ADCY1: variants seen among roughly 807,000 people sequenced by gnomAD.
ADCY1 encodes adenylate cyclase 1, also known as adenylate cyclase type 1.
ADCY1 carries 28 observed loss-of-function variants against 105.4 expected under a neutral mutation model. The ratio of observed to expected loss-of-function variants is 0.27; its 90% CI spans 0.20 to 0.36. The LOEUF (loss-of-function observed/expected upper bound fraction) is 0.36, where lower values mean the gene tolerates loss of function less well. ADCY1 is among the 10% of genes least tolerant of loss of function. The pLI, the probability that ADCY1 is intolerant of heterozygous loss-of-function variation, is 1.00. For synonymous variants in ADCY1, 655 were observed against 623.8 expected, an observed-to-expected ratio of 1.05 and a Z score of -0.75; for missense variants, 977 against 1,434.2, an observed-to-expected ratio of 0.68 and a Z score of 5.15.
chr7:45,598,572 T>A (rs749671015), intron 2 of ADCY1, among the ~76,000 whole-genome samples: 3 of 152,202 alleles, frequency 2.0e-5, no homozygotes, highest in Non-Finnish European at 4.4e-5. Context: ...AATAATTTTA[T>A]GCCAGTATAT....
At chr7:45,576,702 C>G (rs536762838) in intron 1 of ADCY1, among the ~76,000 whole-genome samples, 8 of 152,238 alleles carry the variant, frequency 5.3e-5, no homozygotes, top group Admixed American at 2.0e-4. Flanking sequence ...CCTCCACCCC[C>G]CATCTGTCTG....
At chr7:45,629,365 G>A (rs1562696200) in intron 4 of ADCY1, among the ~76,000 whole-genome samples, 1 of 151,992 alleles carries the variant, frequency 6.6e-6, no homozygotes, top group Non-Finnish European at 1.5e-5. Context: ...CTTTTTGATG[G>A]ACATTTGGTT....
chr7:45,610,523 G>A (rs2115861641), intron 3 of ADCY1, 26 bp downstream of exon 3: 1 of 1,597,452 alleles, frequency 6.3e-7, no homozygotes, highest in South Asian at 1.1e-5. Flanking sequence ...ACCCGGCACA[G>A]CGGGGAGCCT....
At position 45,710,562 on chromosome 7, in the gene ADCY1, T is replaced by C. The variant is rs201387238; in HGVS notation, c.2967T>C (p.Ile989=). 6.2e-7 allele frequency: 1 copy of C among 1,613,980 alleles called. No individual in the cohort carries two copies. Among genetic ancestry groups the C allele is most frequent in the Non-Finnish European group, 8.5e-7 (1 of 1,179,964 alleles). ...INVGPVVAGV[I]GARRPQYDIW... ...TTGGCCCTGTGGTGGCTGGAGTGAT[T>C]GGCGCTCGCAGGCCCCAGTACGACA... The change falls in exon 19 of 20, where the codon ATT becomes ATC. Residue 989 remains isoleucine, a synonymous_variant. Coordinates refer to ENST00000297323, the MANE Select transcript of ADCY1 (RefSeq NM_021116.4). The surrounding 1 kb of genome is among the most constrained non-coding windows in gnomAD (Gnocchi z 4.7).
At chr7:45,638,943 G>T (rs1794466786) in intron 4 of ADCY1, among the ~76,000 whole-genome samples, 1 of 152,164 alleles carries the variant, frequency 6.6e-6, no homozygotes, top group Non-Finnish European at 1.5e-5. Flanking sequence ...CTGTTTCTGA[G>T]TCTCTGGTGT....
chr7:45,699,342 C>A (rs914665582), intron 14 of ADCY1, among the ~76,000 whole-genome samples: 1 of 152,118 alleles, frequency 6.6e-6, no homozygotes, highest in African/African-American at 2.4e-5. Flanking sequence ...TGTTGTCCAG[C>A]GGCTTGAGGG....
intron 17 of ADCY1, among the ~76,000 whole-genome samples, chr7:45,706,492 C>CAAAAAAAAAAAAAAAA (rs58794109): frequency 8.4e-5 from 5 of 59,456 alleles, no homozygotes; most frequent in Non-Finnish European, 1.5e-4. Flanking sequence ...ACATCACATG[C>CAAAAAAAAAAAAAAAA]AAAAAAAAAA....
chr7:45,602,646 C>A (rs775681534), intron 2 of ADCY1, among the ~76,000 whole-genome samples: 5 of 152,164 alleles, frequency 3.3e-5, no homozygotes, highest in Non-Finnish European at 7.3e-5. Flanking sequence ...GGCCAATGGA[C>A]AGCACCTTCT....
chr7:45,615,610 A>G (rs897287419), intron 3 of ADCY1, among the ~76,000 whole-genome samples: 1 of 152,206 alleles, frequency 6.6e-6, no homozygotes, highest in Admixed American at 6.5e-5. Context: ...TCAACAAAAC[A>G]AAACAAACAA....
chr7:45,642,345 A>T (rs889948882), intron 4 of ADCY1, among the ~76,000 whole-genome samples: 1 of 152,178 alleles, frequency 6.6e-6, no homozygotes, highest in Non-Finnish European at 1.5e-5. Context: ...GATTTAGGGC[A>T]GGTAGGTGAG....
Position 45,662,128 on chromosome 7 carries a change from C to A in ADCY1, c.1519C>A (p.Leu507Met), listed in dbSNP as rs763935292. The change falls in exon 8 of 20, where the codon CTG becomes ATG. Residue 507 changes from leucine to methionine, a missense_variant. Leu to Met is a conservative substitution (Grantham distance 15). Coordinates refer to ENST00000297323, the MANE Select transcript of ADCY1 (RefSeq NM_021116.4). ...GATGAAGTTCAAGACTGTCTGCTAC[C>A]TGCTGGTGCAGCTCATGCACTGCCG... ...KRMKFKTVCY[L>M]LVQLMHCRKM... 6.2e-7 allele frequency: 1 copy of A among 1,614,108 alleles called. No individual in the cohort carries two copies. Among genetic ancestry groups the A allele is most frequent in the Non-Finnish European group, 8.5e-7 (1 of 1,179,972 alleles).
chr7:45,620,179 G>A (rs1793852266), intron 3 of ADCY1, among the ~76,000 whole-genome samples: 1 of 152,100 alleles, frequency 6.6e-6, no homozygotes, highest in African/African-American at 2.4e-5. Flanking sequence ...ACTTGTATGA[G>A]GTATTTAAAA....
At position 45,574,990 on chromosome 7, in the gene ADCY1, C is replaced by T. The variant is rs1792290671; in HGVS notation, c.447C>T (p.Ser149=). Residue 149 remains serine (S), a synonymous_variant, in exon 1 of 20, where the codon TCC becomes TCT. Coordinates refer to ENST00000297323, the MANE Select transcript of ADCY1 (RefSeq NM_021116.4). This position sits in a 1 kb window ranked among gnomAD's most constrained non-coding sequence, Gnocchi z 7.0. The stretch of plus-strand genomic sequence containing the variant: ...CGCTGGGCGGCCCCGCCCGGGGTTC[C>T]GCCGGGGCCGCTGGGGGGCCAGCGA... The part of the protein sequence containing the change: ...PFALGGPARG[S]AGAAGGPATA... The T allele has an allele frequency of 6.2e-7, 1 of 1,610,708 alleles. No homozygotes were observed. Among genetic ancestry groups the T allele is most frequent in the African/African-American group, 1.3e-5 (1 of 74,898 alleles).
chr7:45,590,162 C>T (rs2115764264), intron 1 of ADCY1, among the ~76,000 whole-genome samples: 1 of 152,258 alleles, frequency 6.6e-6, no homozygotes, highest in Non-Finnish European at 1.5e-5. Context: ...AGCTCTGATG[C>T]AAACGGGGAG....
intron 5 of ADCY1, among the ~76,000 whole-genome samples, chr7:45,651,149 T>C (rs754184388): frequency 6.6e-6 from 1 of 152,126 alleles, no homozygotes; most frequent in Non-Finnish European, 1.5e-5. Flanking sequence ...CTCAGGAAGC[T>C]CTACACGCCA....
At chr7:45,596,222 G>GT (rs1036690347) in intron 2 of ADCY1, among the ~76,000 whole-genome samples, 2 of 152,246 alleles carry the variant, frequency 1.3e-5, no homozygotes, top group Admixed American at 6.5e-5. Context: ...TGCCTTTCAT[G>GT]TTTTAATTTC....
intron 1 of ADCY1, among the ~76,000 whole-genome samples, chr7:45,581,604 A>G (rs1209054681): frequency 6.6e-6 from 1 of 152,076 alleles, no homozygotes; most frequent in Non-Finnish European, 1.5e-5. Flanking sequence ...CTGAAGTGGC[A>G]GGGGCAATGG....
At chr7:45,614,431 G>A (rs1200396237) in intron 3 of ADCY1, among the ~76,000 whole-genome samples, 1 of 151,982 alleles carries the variant, frequency 6.6e-6, no homozygotes, top group East Asian at 1.9e-4. Context: ...GCACATCAAA[G>A]CAAAAACATT....
At position 45,717,442 on chromosome 7, in the gene ADCY1, T is replaced by G. The variant is rs1405276184; in HGVS notation, c.*3447T>G. 1 of 152,636 alleles carries G rather than the reference T, an allele frequency of 6.6e-6. No individual in the cohort carries two copies. The highest frequency in any genetic ancestry group is 1.5e-5 in the Non-Finnish European group (1 of 68,048). 9.5% of individuals were successfully genotyped at this position (152,636 alleles called of 1,614,324 possible). ...ACTGTATTATATTGCCTTATTTATT[T>G]TTAATCATGTACAATATTCATGTAC... On this transcript the variant is annotated 3_prime_UTR_variant, in exon 20 of 20. Coordinates refer to ENST00000297323, the MANE Select transcript of ADCY1 (RefSeq NM_021116.4).
Sources: allele counts gnomAD v4.1 joint callset (sites outside exome capture counted in the v4.1 genomes callset), GRCh38; gene constraint gnomAD v4.1.1; non-coding constraint Gnocchi (gnomAD v3.1); transcripts MANE v1.5; gene names NCBI Gene and HGNC (gene_info 2026-07-23, HGNC 2026-07-21).